TBC1D30: variants seen among roughly 807,000 people sequenced by gnomAD.
TBC1D30 encodes the protein TBC1 domain family, member 30.
TBC1D30 carries 31 observed loss-of-function variants against 63.2 expected under a neutral mutation model. The observed-to-expected ratio is 0.49, with a 90% CI of 0.37 to 0.66. The LOEUF is 0.66. Ranked by LOEUF, TBC1D30 falls within the 30% of genes least tolerant of loss-of-function variation. The probability of loss-of-function intolerance (pLI) is 0.00; values close to 1 mark genes in which losing one functional copy is unlikely to be tolerated. For synonymous variants in TBC1D30, 307 were observed against 361.5 expected, an observed-to-expected ratio of 0.85 and a Z score of 1.71; for missense variants, 810 against 953.6, an observed-to-expected ratio of 0.85 and a Z score of 1.98.
At chr12:64,832,092 T>A in intron 4 of TBC1D30, 27 bp from the exon 5 acceptor site, 1 of 1,494,550 alleles carries the variant, frequency 6.7e-7, no homozygotes, top group East Asian at 2.5e-5. Context: ...GAGTTATTTT[T>A]GAAAATATTG....
chr12:64,780,578 C>G (rs1004227348), exon 1 of TBC1D30, among the ~76,000 whole-genome samples: 2 of 152,200 alleles, frequency 1.3e-5, no homozygotes, highest in African/African-American at 4.8e-5. Flanking sequence ...AGCAGGTGGC[C>G]CCAGGTAGCT....
rs1024038033 is a variant in TBC1D30, at chr12:64,785,215, G to A, written c.479-666G>A. Among the ~76,000 whole-genome samples the A allele has an allele frequency of 4.0e-5, 6 of 149,868 alleles. 1 individual carries two copies. In the Middle Eastern group the frequency reaches 0.01, roughly 257 times the overall value. ...TGCCCAGGCTGGAGTGCAATGGCGC[G>A]ATCTTGGCTCACTGCAGCCTCCTCC... On this transcript the variant is annotated intron_variant, in intron 1 of 12. Coordinates refer to the TBC1D30 transcript ENST00000542120.
intron 1 of TBC1D30, among the ~76,000 whole-genome samples, chr12:64,768,079 C>A (rs960808687): frequency 6.6e-6 from 1 of 152,090 alleles, no homozygotes; most frequent in Non-Finnish European, 1.5e-5. Context: ...ACAGGCAGGG[C>A]TGACTACATA....
upstream of TBC1D30, among the ~76,000 whole-genome samples, chr12:64,777,801 C>T (rs940996801): frequency 8.5e-5 from 13 of 152,218 alleles, no homozygotes; most frequent in African/African-American, 2.9e-4. Flanking sequence ...GCTCTGTTGC[C>T]CAGGCCGGAG....
chr12:64,863,452 G>T (rs1036459525), intron 8 of TBC1D30, among the ~76,000 whole-genome samples: 6 of 152,160 alleles, frequency 3.9e-5, no homozygotes, highest in Admixed American at 3.9e-4. Flanking sequence ...AGCCTTTTGG[G>T]TATAATCAAG....
Position 64,826,393 on chromosome 12 carries a change from T to C in TBC1D30, c.154+1360T>C, listed in dbSNP as rs567865955. ...GCCCCGGAAAAGTCAGAAGAGCATA[T>C]TGGTCAGACATACAGGGAATCCTTG... On this transcript the variant is annotated intron_variant, in intron 1 of 11. Transcript: ENST00000539867. 3.9e-4 allele frequency among the ~76,000 whole-genome samples: 60 copies of C among 152,220 alleles called. 1 individual carries two copies. The highest frequency in any genetic ancestry group is 1.4e-3 in the African/African-American group (58 of 41,536).
chr12:64,860,246 G>A (rs1283273531), intron 8 of TBC1D30, among the ~76,000 whole-genome samples: 2 of 151,974 alleles, frequency 1.3e-5, no homozygotes, highest in South Asian at 2.1e-4. Context: ...TTGAACTCCT[G>A]GGCTCAAGCA....
intron 2 of TBC1D30, among the ~76,000 whole-genome samples, chr12:64,791,070 T>C (rs376402684): frequency 2.0e-5 from 3 of 152,218 alleles, no homozygotes; most frequent in African/African-American, 7.2e-5. Flanking sequence ...ATATCAAATG[T>C]GATTATTATT....
chr12:64,776,757 A>C (rs940713543), upstream of TBC1D30, among the ~76,000 whole-genome samples: 2 of 152,222 alleles, frequency 1.3e-5, no homozygotes, highest in Non-Finnish European at 2.9e-5. Flanking sequence ...AACTCATTCT[A>C]TGAGGCCAGC....
intron 1 of TBC1D30, among the ~76,000 whole-genome samples, chr12:64,782,486 A>G (rs1482812483): frequency 6.6e-6 from 1 of 151,658 alleles, no homozygotes; most frequent in Admixed American, 6.6e-5. Context: ...TTCATTTTAT[A>G]GAATTATTTG....
rs59418018 is a variant in TBC1D30 at position 64,767,788 on chromosome 12, C to CGGGG, written c.-376+8148_-376+8151dup. 3.1e-3 allele frequency among the ~76,000 whole-genome samples: 184 copies of CGGGG among 60,178 alleles called. 3 individuals carry two copies. The highest frequency in any genetic ancestry group is 0.016 in the Middle Eastern group (2 of 122). 39.5% of individuals were successfully genotyped at this position (60,178 alleles called of 152,430 possible). ...CCTTGATAAGATACACATGCTCCGG[C>CGGGG]GGGGGGGGGGGGAGGGGGGGGAGAT... On this transcript the variant is annotated intron_variant, in intron 1 of 13. Transcript: ENST00000674237.
chr12:64,794,809 A>G (rs1331965095), intron 2 of TBC1D30, among the ~76,000 whole-genome samples: 2 of 152,126 alleles, frequency 1.3e-5, no homozygotes, highest in Non-Finnish European at 1.5e-5. Context: ...GATTACCTCA[A>G]CTTTATTTTC....
rs187503864 is a variant in TBC1D30, at chr12:64,838,765, C to T, written c.846C>T (p.Thr282=). The T allele has an allele frequency of 2.3e-4, 354 of 1,536,378 alleles. 3 individuals are homozygous for T. In the Middle Eastern group the frequency reaches 5.5e-3, roughly 24 times the overall value. The stretch of plus-strand genomic sequence containing the variant: ...TTGCCACATGCCTCCCTAATCAGAC[C>T]GTTTTAAAGATCTGGGATTCAGTCT... ...TLFATCLPNQ[T]VLKIWDSVFF... is the part of the protein sequence containing the mutation. Residue 282 remains threonine (T), a synonymous_variant, in exon 7 of 12, where the codon ACC becomes ACT. Coordinates refer to ENST00000539867, the MANE Select transcript of TBC1D30 (RefSeq NM_015279.2).
rs115192839 is a variant in TBC1D30 at position 64,809,999 on chromosome 12, C to G, written c.644-17836C>G. 4.0e-3 allele frequency among the ~76,000 whole-genome samples: 608 copies of G among 152,216 alleles called. 3 individuals are homozygous for G. The highest frequency in any genetic ancestry group is 0.014 in the African/African-American group (587 of 41,524). On this transcript the variant is annotated intron_variant, in intron 2 of 12. Transcript: ENST00000542120. Reference sequence around the variant, plus strand: ...CCATCAAAAGTGGCTTTATCTCCACCTTTGCAGCTGACAGCAACCCTCCCA... The same window carrying G: ...CCATCAAAAGTGGCTTTATCTCCACGTTTGCAGCTGACAGCAACCCTCCCA...
Position 64,854,362 on chromosome 12 carries a change from T to C in TBC1D30, c.1039-10306T>C, listed in dbSNP as rs537910368. Reference sequence around the variant, plus strand: ...ATAAGTAAACATGCAAAAAGAAAACTAATAAAAACTCCATACTTTAACTTT... The same window carrying C: ...ATAAGTAAACATGCAAAAAGAAAACCAATAAAAACTCCATACTTTAACTTT... On this transcript the variant is annotated intron_variant, in intron 8 of 11. Transcript: ENST00000539867. Among the ~76,000 whole-genome samples the C allele has an allele frequency of 6.6e-5, 10 of 152,334 alleles. No individual in the cohort carries two copies. In the South Asian group the frequency reaches 1.4e-3, roughly 22 times the overall value.
intron 1 of TBC1D30, chr12:64,785,796 C>T (rs1592539973): frequency 9.2e-7 from 1 of 1,091,584 alleles, no homozygotes; most frequent in South Asian, 1.4e-5. Context: ...AATGGATGTT[C>T]TATTTATCTT....
chr12:64,798,116 C>T (rs1376490819), intron 2 of TBC1D30, among the ~76,000 whole-genome samples: 3 of 152,166 alleles, frequency 2.0e-5, no homozygotes, highest in East Asian at 1.9e-4. Flanking sequence ...TAAATGTGTA[C>T]ATGTATATAT....
chr12:64,805,349 G>T (rs1484268185), intron 2 of TBC1D30, among the ~76,000 whole-genome samples: 7 of 152,240 alleles, frequency 4.6e-5, no homozygotes, highest in Non-Finnish European at 8.8e-5. Flanking sequence ...GATTGTTGTT[G>T]TTGTTTCTAG....
At chr12:64,822,123 GT>G (rs1380587738), upstream of TBC1D30, among the ~76,000 whole-genome samples, 4 of 152,122 alleles carry the variant, frequency 2.6e-5, no homozygotes, top group Non-Finnish European at 1.5e-5. Context: ...TTTCTGGCTT[GT>G]TTAGGCTATC....
Sources: allele counts gnomAD v4.1 joint callset (sites outside exome capture counted in the v4.1 genomes callset), GRCh38; gene constraint gnomAD v4.1.1; transcripts MANE v1.5; gene names NCBI Gene and HGNC (gene_info 2026-07-23, HGNC 2026-07-21).